The following MYOF variants were observed in gnomAD, a reference collection of about 807,000 sequenced individuals.
MYOF encodes the protein fer-1-like 3, myoferlin.
MYOF carries 244 observed loss-of-function variants against 284.2 expected under a neutral mutation model. That is an observed-to-expected ratio of 0.86 (90% CI 0.77 to 0.95). The LOEUF (loss-of-function observed/expected upper bound fraction) is 0.95, where lower values mean the gene tolerates loss of function less well. Ranked by LOEUF, MYOF falls within the 40% of genes least tolerant of loss-of-function variation. MYOF has a pLI of 0.00. For synonymous variants in MYOF, 904 were observed against 919.7 expected (o/e 0.98, Z 0.31); for missense variants, 2,496 against 2,560.6 (o/e 0.97, Z 0.54).
At chr10:93,365,210 A>G (rs555824608) in intron 26 of MYOF, among the ~76,000 whole-genome samples, 1 of 152,332 alleles carries the variant, frequency 6.6e-6, no homozygotes, top group East Asian at 1.9e-4. Flanking sequence ...AATTACAGGA[A>G]ATGAACAACA....
intron 51 of MYOF, among the ~76,000 whole-genome samples, chr10:93,312,305 A>G (rs1174584991): frequency 2.6e-5 from 4 of 151,708 alleles, no homozygotes; most frequent in East Asian, 1.9e-4. Flanking sequence ...TTCTTATTCA[A>G]CTAATGCCAG....
At chr10:93,384,435 G>A (rs1392197928) in intron 19 of MYOF, among the ~76,000 whole-genome samples, 1 of 152,160 alleles carries the variant, frequency 6.6e-6, no homozygotes, top group Non-Finnish European at 1.5e-5. Flanking sequence ...CTGAGGTCAG[G>A]AGTTTGAGAC....
intron 48 of MYOF, among the ~76,000 whole-genome samples, chr10:93,321,435 T>TTTTTTTTTTTTTTTTTTTTTTA (rs1554836719): frequency 7.2e-6 from 1 of 138,144 alleles, no homozygotes; most frequent in African/African-American, 2.6e-5. Context: ...TTTTTTTTTT[T>TTTTTTTTTTTTTTTTTTTTTTA]ACAAGAGCCA....
chr10:93,376,532 T>G (rs1287647144), intron 22 of MYOF, among the ~76,000 whole-genome samples: 1 of 152,092 alleles, frequency 6.6e-6, no homozygotes, highest in Non-Finnish European at 1.5e-5. Context: ...GTACTTTGAT[T>G]TTGGTTGCGT....
chr10:93,345,187 C>T (rs909013706), intron 37 of MYOF, among the ~76,000 whole-genome samples: 6 of 152,162 alleles, frequency 3.9e-5, no homozygotes, highest in African/African-American at 7.2e-5. Context: ...AAACCTTTTT[C>T]GGTACCCACC....
chr10:93,374,842 C>T lies in MYOF; in HGVS notation c.2222G>A (p.Arg741Lys), dbSNP rs932969030. Residue 741 changes from arginine to lysine, a missense_variant, in exon 23 of 54, where the codon AGG becomes AAG. Coordinates refer to ENST00000359263, the MANE Select transcript of MYOF (RefSeq NM_013451.4). Reference sequence around the variant, plus strand: ...GGACTTCACATCTGTGGCTTCCGACCTCATCCTCACAGCCGCCTCATGTAT... The same window carrying T: ...GGACTTCACATCTGTGGCTTCCGACTTCATCCTCACAGCCGCCTCATGTAT... Reference protein sequence around the residue: ...SQIHEAAVRMRSEATDVKSTL... With the variant: ...SQIHEAAVRMKSEATDVKSTL... The T allele has an allele frequency of 3.2e-5, 52 of 1,614,072 alleles. No homozygotes were observed. The highest frequency in any genetic ancestry group is 3.8e-5 in the Non-Finnish European group (45 of 1,180,040).
chr10:93,482,249 T>C lies in MYOF; in HGVS notation c.-55A>G. 6.9e-7 allele frequency: 1 copy of C among 1,459,134 alleles called. No homozygotes were observed. Among genetic ancestry groups the C allele is most frequent in the South Asian group, 1.2e-5 (1 of 85,534 alleles). The allele number at this position is 1,459,134 out of a possible 1,614,324, so 90.4% of individuals were successfully genotyped here. A position where few individuals can be genotyped will look rare whatever the true frequency, so the allele number is the denominator to read the frequency against. The stretch of plus-strand genomic sequence containing the variant: ...GCAAACGAAGTGGAGACTAGGGCGC[T>C]GGAGCTCCGGGTCGCACCGCCCTGG... On this transcript the variant is annotated 5_prime_UTR_variant, in exon 1 of 54. Transcript: ENST00000359263.
intron 21 of MYOF, 65 bp from the exon 22 acceptor site, chr10:93,377,494 A>G (rs1166592419): frequency 8.6e-7 from 1 of 1,162,500 alleles, no homozygotes; most frequent in Non-Finnish European, 1.3e-6. Context: ...ACCTTTTCAT[A>G]TAGTTTAACC....
chr10:93,403,015 A>G (rs1474759990), intron 9 of MYOF, 125 bp from the exon 10 acceptor site: 7 of 797,064 alleles, frequency 8.8e-6, no homozygotes, highest in Non-Finnish European at 1.4e-5. Flanking sequence ...GAGACCCAAC[A>G]TTTCCGTCTT....
chr10:93,430,766 A>G (rs142707648), intron 4 of MYOF, among the ~76,000 whole-genome samples: 3 of 152,274 alleles, frequency 2.0e-5, no homozygotes, highest in African/African-American at 2.4e-5. Flanking sequence ...CCCTCACTCT[A>G]TAGAATTATC....
At chr10:93,477,211 G>A (rs921566472) in intron 1 of MYOF, among the ~76,000 whole-genome samples, 1 of 152,222 alleles carries the variant, frequency 6.6e-6, no homozygotes, top group Non-Finnish European at 1.5e-5. Flanking sequence ...AAAAGAAAAG[G>A]CCAGATGCAG....
At chr10:93,367,995 T>C (rs1376538649) in intron 25 of MYOF, among the ~76,000 whole-genome samples, 1 of 152,028 alleles carries the variant, frequency 6.6e-6, no homozygotes, top group Non-Finnish European at 1.5e-5. Context: ...GGCTTCACTC[T>C]ATGCAGGGAA....
chr10:93,391,014 C>T (rs1846649604), intron 17 of MYOF, among the ~76,000 whole-genome samples: 1 of 152,224 alleles, frequency 6.6e-6, no homozygotes, highest in South Asian at 2.1e-4. Context: ...ACACCCTCCA[C>T]TACCCCATCC....
intron 21 of MYOF, 36 bp downstream of exon 21, chr10:93,379,827 T>C: frequency 6.2e-7 from 1 of 1,611,206 alleles, no homozygotes; most frequent in Non-Finnish European, 8.5e-7. Context: ...TTCACCCTGC[T>C]TGGTGAAAAG....
At position 93,402,879 on chromosome 10, in the gene MYOF, T is replaced by A. The variant is rs376422888; in HGVS notation, c.855A>T (p.Gly285=). The change falls in exon 10 of 54, where the codon GGA becomes GGT. Residue 285 remains glycine, a synonymous_variant. Coordinates refer to ENST00000359263, the MANE Select transcript of MYOF (RefSeq NM_013451.4). ...ACTTACCAGGTTCATCATAAACAAA[T>A]CCAACATCAATCTGGGAAAACAATA... ...CLMGEFKIDV[G]FVYDEPGHAV... 10 of 1,611,908 alleles carry A rather than the reference T, an allele frequency of 6.2e-6. No homozygotes were observed. The highest frequency in any genetic ancestry group is 8.5e-6 in the Non-Finnish European group (10 of 1,178,306).
chr10:93,427,226 A>C (rs1589552165), intron 4 of MYOF, among the ~76,000 whole-genome samples: 3 of 150,924 alleles, frequency 2.0e-5, no homozygotes, highest in South Asian at 4.2e-4. Context: ...ACAAAAAAAA[A>C]CAGAGAGAAC....
intron 46 of MYOF, among the ~76,000 whole-genome samples, chr10:93,324,931 C>T (rs1331736333): frequency 6.6e-6 from 1 of 152,056 alleles, no homozygotes; most frequent in Non-Finnish European, 1.5e-5. Flanking sequence ...AGGCACCCAC[C>T]ACCGCGCCCA....
intron 26 of MYOF, among the ~76,000 whole-genome samples, chr10:93,365,836 C>G (rs787642): frequency 1.3e-5 from 2 of 152,032 alleles, no homozygotes; most frequent in Non-Finnish European, 2.9e-5. Context: ...ATTATAAAAA[C>G]TTCAAGTCCC....
chr10:93,407,856 C>T (rs1311643242), intron 7 of MYOF, among the ~76,000 whole-genome samples: 1 of 152,062 alleles, frequency 6.6e-6, no homozygotes, highest in South Asian at 2.1e-4. Context: ...CGTTTTGACA[C>T]CTCTAAAAAA....
Sources: gnomAD v4.1 joint callset for allele counts (sites outside exome capture counted in the v4.1 genomes callset) on GRCh38, gnomAD v4.1.1 for gene constraint, MANE v1.5 for transcripts, NCBI Gene and HGNC (gene_info 2026-07-23, HGNC 2026-07-21) for gene names.